The following DRD3 variants were observed in gnomAD, a reference collection of about 807,000 sequenced individuals.
DRD3 encodes the protein dopamine receptor D3.
In DRD3, 19 loss-of-function variants were observed where a neutral mutation model predicts 36.3. The ratio of observed to expected loss-of-function variants is 0.52; its 90% confidence interval spans 0.36 to 0.77. DRD3 has a LOEUF of 0.77. Among genes scored for constraint, DRD3 ranks in the 30% least tolerant of loss-of-function variants. The probability of loss-of-function intolerance (pLI) is 0.00; values close to 1 mark genes in which losing one functional copy is unlikely to be tolerated. For missense variants in DRD3, 465 were observed against 505.3 expected, an observed-to-expected ratio of 0.92 and a Z score of 0.77; for synonymous variants, 195 against 203.7, an observed-to-expected ratio of 0.96 and a Z score of 0.36.
intron 2 of DRD3, among the ~76,000 whole-genome samples, chr3:114,168,470 G>T (rs2077807724): frequency 6.6e-6 from 1 of 152,056 alleles, no homozygotes; most frequent in South Asian, 2.1e-4. Context: ...TGCAGCTAAA[G>T]GTGGCCTCAT....
upstream of DRD3, among the ~76,000 whole-genome samples, chr3:114,182,474 T>C (rs1294776038): frequency 6.6e-6 from 1 of 150,698 alleles, no homozygotes; most frequent in Non-Finnish European, 1.5e-5. Context: ...AATAAATAAA[T>C]GATAGTGGTT....
At chr3:114,142,097 G>A (rs956141281) in intron 4 of DRD3, among the ~76,000 whole-genome samples, 15 of 150,950 alleles carry the variant, frequency 9.9e-5, no homozygotes, top group African/African-American at 3.7e-4. Flanking sequence ...ATGGCTCATA[G>A]GCTCTGTGTA....
intron 1 of DRD3, among the ~76,000 whole-genome samples, chr3:114,197,175 G>C (rs567754114): frequency 6.7e-6 from 1 of 148,782 alleles, no homozygotes; most frequent in African/African-American, 2.5e-5. Flanking sequence ...GCAGTGGCAT[G>C]ATCGTAACTC....
At chr3:114,184,013 C>G (rs2077961657), upstream of DRD3, among the ~76,000 whole-genome samples, 1 of 152,082 alleles carries the variant, frequency 6.6e-6, no homozygotes, top group African/African-American at 2.4e-5. Context: ...TATTTGTTTT[C>G]TATATGCCTT....
chr3:114,196,338 G>A (rs772017720), intron 1 of DRD3, among the ~76,000 whole-genome samples: 12 of 151,414 alleles, frequency 7.9e-5, no homozygotes, highest in Non-Finnish European at 1.2e-4. Flanking sequence ...TTTTAGAGAC[G>A]GGGTCTCACT....
intron 1 of DRD3, among the ~76,000 whole-genome samples, chr3:114,186,952 G>T (rs1020020852): frequency 2.0e-5 from 3 of 152,194 alleles, no homozygotes; most frequent in Non-Finnish European, 2.9e-5. Flanking sequence ...GAGAGATATG[G>T]AAGTGTTATT....
At chr3:114,179,912 A>G (rs2077936895), upstream of DRD3, among the ~76,000 whole-genome samples, 1 of 152,174 alleles carries the variant, frequency 6.6e-6, no homozygotes, top group African/African-American at 2.4e-5. Context: ...AGTCATTTTA[A>G]TGCATTGCTC....
At chr3:114,155,440 AG>A (rs752999952) in intron 3 of DRD3, among the ~76,000 whole-genome samples, 3 of 152,020 alleles carry the variant, frequency 2.0e-5, no homozygotes, top group Non-Finnish European at 4.4e-5. Flanking sequence ...GTATTCTCGG[AG>A]TTTTCCTATA....
In DRD3 at chr3:114,170,879, G is replaced by T. The variant is rs1017085389; in HGVS notation, c.270+844C>A. 2.6e-5 allele frequency among the ~76,000 whole-genome samples: 4 copies of T among 151,920 alleles called. No homozygotes were observed. In the East Asian group the frequency reaches 5.8e-4, roughly 22 times the overall value. On this transcript the variant is annotated intron_variant, in intron 2 of 6. Transcript: ENST00000383673. ...GGAGAAATATTAATAGTATACTCAG[G>T]TTTTTTTAAAAAAACATATCTTAAG... is the stretch of plus-strand genomic sequence containing the variant.
chr3:114,179,612 T>C (rs2107896305), upstream of DRD3, among the ~76,000 whole-genome samples: 1 of 152,260 alleles, frequency 6.6e-6, no homozygotes, highest in South Asian at 2.1e-4. Context: ...ACATAAACAA[T>C]CCTAACTTAT....
chr3:114,136,044 A>G (rs1432143547), intron 5 of DRD3, among the ~76,000 whole-genome samples: 1 of 152,106 alleles, frequency 6.6e-6, no homozygotes, highest in Non-Finnish European at 1.5e-5. Context: ...TAAAGTGACA[A>G]TATTTGACTT....
chr3:114,177,467 G>A (rs533066940), intron 1 of DRD3, among the ~76,000 whole-genome samples: 8 of 152,206 alleles, frequency 5.3e-5, no homozygotes, highest in African/African-American at 1.9e-4. Flanking sequence ...ACAACCTCTA[G>A]AGACTGAGCA....
intron 5 of DRD3, 113 bp from the exon 6 acceptor site, chr3:114,131,513 G>A: frequency 7.2e-7 from 1 of 1,392,708 alleles, no homozygotes; most frequent in Non-Finnish European, 9.6e-7. Flanking sequence ...ACAGTTGTGG[G>A]AAACCTACAA....
upstream of DRD3, among the ~76,000 whole-genome samples, chr3:114,183,009 C>G (rs540987450): frequency 1.3e-5 from 2 of 152,198 alleles, no homozygotes; most frequent in South Asian, 4.1e-4. Context: ...GATATATATC[C>G]AGAAATGGAA....
chr3:114,175,760 A>G (rs2077892373), intron 1 of DRD3, among the ~76,000 whole-genome samples: 1 of 152,244 alleles, frequency 6.6e-6, no homozygotes, highest in South Asian at 2.1e-4. Context: ...GCATTCAGCT[A>G]TACTATTTTT....
At chr3:114,174,992 T>C (rs1449436684) in intron 1 of DRD3, among the ~76,000 whole-genome samples, 2 of 152,182 alleles carry the variant, frequency 1.3e-5, no homozygotes, top group Non-Finnish European at 2.9e-5. Flanking sequence ...TTATGAAGAC[T>C]AAATGAGATT....
intron 3 of DRD3, among the ~76,000 whole-genome samples, chr3:114,155,309 G>C (rs1318822001): frequency 6.6e-6 from 1 of 152,162 alleles, no homozygotes; most frequent in Non-Finnish European, 1.5e-5. Context: ...ATAGGAGGGG[G>C]CTCCATTTTG....
chr3:114,194,996 C>CA lies in DRD3; in HGVS notation c.-156+4276_-156+4277insT, dbSNP rs1229124205. Among the ~76,000 whole-genome samples the CA allele has an allele frequency of 2.6e-5, 4 of 152,266 alleles. No individual in the cohort carries two copies. The East Asian group carries it at 5.8e-4, about 22-fold the overall frequency. ...GTCTGCTCTCAATTCATAGGAAATT[C>CA]CCCCAGGCAGGTATCTTCAATCAGC... On this transcript the variant is annotated intron_variant, in intron 1 of 7. Transcript: ENST00000460779.
chr3:114,166,634 A>T (rs1260069753), intron 2 of DRD3, among the ~76,000 whole-genome samples: 1 of 152,212 alleles, frequency 6.6e-6, no homozygotes, highest in East Asian at 1.9e-4. Context: ...TTTGTAAATT[A>T]TACAGCCTCA....
Sources: gnomAD v4.1 joint callset for allele counts (sites outside exome capture counted in the v4.1 genomes callset) on GRCh38, gnomAD v4.1.1 for gene constraint, MANE v1.5 for transcripts, NCBI Gene and HGNC (gene_info 2026-07-23, HGNC 2026-07-21) for gene names.